Variants in ATG9A observed in about 807,000 individuals in gnomAD.
ATG9A encodes the protein autophagy related 9A.
ATG9A carries 21 observed loss-of-function variants against 87.1 expected under a neutral mutation model. The observed-to-expected ratio is 0.24, with a 90% CI of 0.17 to 0.35. The LOEUF (loss-of-function observed/expected upper bound fraction) is 0.35, where lower values mean the gene tolerates loss of function less well. Ranked by LOEUF, ATG9A falls within the 10% of genes least tolerant of loss-of-function variation. ATG9A has a pLI of 1.00. For synonymous variants in ATG9A, 422 were observed against 441.3 expected, an observed-to-expected ratio of 0.96 and a Z score of 0.55; for missense variants, 836 against 1,107.3, an observed-to-expected ratio of 0.76 and a Z score of 3.48.
chr2:219,227,591 TTG>T (rs1950888203), intron 4 of ATG9A, among the ~76,000 whole-genome samples, 177 bp downstream of exon 4: 1 of 152,148 alleles, frequency 6.6e-6, no homozygotes, highest in African/African-American at 2.4e-5. Context: ...CACACAGATC[TTG>T]GTAAATGTGG....
intron 4 of ATG9A, among the ~76,000 whole-genome samples, 168 bp downstream of exon 4, chr2:219,227,601 TG>T (rs1286914146): frequency 6.6e-6 from 1 of 152,198 alleles, no homozygotes; most frequent in Non-Finnish European, 1.5e-5. Flanking sequence ...TTGGTAAATG[TG>T]GGCTATCATT....
At chr2:219,220,697 C>G in intron 15 of ATG9A, 50 bp downstream of exon 15, 1 of 1,600,768 alleles carries the variant, frequency 6.2e-7, no homozygotes, top group Non-Finnish European at 8.5e-7. Context: ...GTTACCTCAC[C>G]CTGGAAGTTA....
chr2:219,220,589 G>A (rs1005101708), intron 15 of ATG9A, 137 bp from the exon 16 acceptor site: 5 of 1,499,256 alleles, frequency 3.3e-6, no homozygotes, highest in Non-Finnish European at 4.6e-6. Flanking sequence ...ACCAAGCCCT[G>A]CAGAGCAGTT....
chr2:219,226,836 TTCACCACA>T, intron 5 of ATG9A, 25 bp downstream of exon 5: 1 of 1,581,006 alleles, frequency 6.3e-7, no homozygotes, highest in Non-Finnish European at 8.7e-7. Flanking sequence ...GATGTATTCT[TTCACCACA>T]TCATCTGTCC....
At position 219,223,469 on chromosome 2, in the gene ATG9A, CCT is replaced by C. The variant is rs1335564457; in HGVS notation, c.1599+114_1599+115del. The C allele has an allele frequency of 1.6e-6, 2 of 1,232,934 alleles. No individual in the cohort carries two copies. The highest frequency in any genetic ancestry group is 2.2e-6 in the Non-Finnish European group (2 of 909,418). 76.4% of individuals were successfully genotyped at this position (1,232,934 alleles called of 1,614,324 possible). On this transcript the variant is annotated intron_variant, in intron 10 of 15. Transcript: ENST00000361242. The surrounding 1 kb of genome is among the most constrained non-coding windows in gnomAD (Gnocchi z 4.7). The stretch of plus-strand genomic sequence containing the variant: ...AGCCCAGGCTCCCAAGCAGTGTGCC[CCT>C]GGTATAGGACTGCCTTTGTGTGACT...
intron 15 of ATG9A, 118 bp downstream of exon 15, chr2:219,220,629 G>A: frequency 6.7e-7 from 1 of 1,496,472 alleles, no homozygotes; most frequent in Non-Finnish European, 9.1e-7. Flanking sequence ...TGTTTTGGAA[G>A]GGAGGGTACA....
Position 219,221,069 on chromosome 2 carries a change from C to T in ATG9A, c.2368+11G>A. 2 of 1,612,162 alleles carry T rather than the reference C, an allele frequency of 1.2e-6. No individual in the cohort carries two copies. Among genetic ancestry groups the T allele is most frequent in the Non-Finnish European group, 1.7e-6 (2 of 1,179,088 alleles). ...GCAGCCTCTGTTTCCTCCTATACCC[C>T]CACTGGATACCTGTGATGCCACCGT... On this transcript the variant is annotated intron_variant, in intron 14 of 15. Transcript: ENST00000361242.
chr2:219,224,205 G>A lies in ATG9A; in HGVS notation c.1166C>T (p.Ala389Val). The change falls in exon 8 of 16, where the codon GCT (alanine) becomes GTT (valine). Residue 389 changes from alanine (A) to valine (V), a missense_variant. Around this residue, in one of 2 missense-constraint regions of ATG9A, gnomAD observed 512 missense variants for 759.6 expected, o/e 0.67. Coordinates refer to ENST00000361242, the MANE Select transcript of ATG9A (RefSeq NM_001077198.3). The surrounding 1 kb of genome is among the most constrained non-coding windows in gnomAD (Gnocchi z 7.7). ...ATAAATGGTGAGGGCAATAAGCACA[G>A]CCAGGATGGAGCCAGCGAAGAAGGC... ...NGAFFAGSIL[A>V]VLIALTIYDE... The A allele has an allele frequency of 1.2e-6, 2 of 1,613,854 alleles. No homozygotes were observed. The highest frequency in any genetic ancestry group is 1.7e-6 in the Non-Finnish European group (2 of 1,180,046).
rs1950794261 is a variant in ATG9A at position 219,223,085 on chromosome 2, GC to G, written c.1600-193del. Among the ~76,000 whole-genome samples, 1 of 146,650 alleles carries G rather than the reference GC, an allele frequency of 6.8e-6. No individual in the cohort carries two copies. The highest frequency in any genetic ancestry group is 6.8e-5 in the Admixed American group (1 of 14,772). ...ATGCTGAGCCAGTTACTTGTGTTGT[GC>G]CTTTTTTTTTTTTTTTTTTGAGATG... is the stretch of plus-strand genomic sequence containing the variant. On this transcript the variant is annotated intron_variant, in intron 10 of 15. Transcript: ENST00000361242. This position sits in a 1 kb window ranked among gnomAD's most constrained non-coding sequence, Gnocchi z 4.7.
chr2:219,223,574 T>C lies in ATG9A; in HGVS notation c.1599+11A>G. ...CATCCCAGGCCACCTGGCTCCCTCC[T>C]CTCCCAGTACCTGGGGATGACCATG... On this transcript the variant is annotated intron_variant, in intron 10 of 15. Coordinates refer to ENST00000361242, the MANE Select transcript of ATG9A (RefSeq NM_001077198.3). The surrounding 1 kb of genome is among the most constrained non-coding windows in gnomAD (Gnocchi z 4.7). 1 of 1,584,344 alleles carries C rather than the reference T, an allele frequency of 6.3e-7. No individual in the cohort carries two copies. The highest frequency in any genetic ancestry group is 2.2e-5 in the East Asian group (1 of 44,580).
chr2:219,228,274 C>A, intron 2 of ATG9A, 160 bp downstream of exon 2: 1 of 457,204 alleles, frequency 2.2e-6, no homozygotes, highest in African/African-American at 2.0e-5. Flanking sequence ...TTTCCTGGCC[C>A]AAAGCCAGAA....
Position 219,220,249 on chromosome 2 carries a change from G to A in ATG9A, c.*198C>T, listed in dbSNP as rs1220630820. 3 of 642,980 alleles carry A rather than the reference G, an allele frequency of 4.7e-6. No homozygotes were observed. The highest frequency in any genetic ancestry group is 1.8e-5 in the African/African-American group (1 of 54,812). The allele number at this position is 642,980 out of a possible 1,614,324, so 39.8% of individuals were successfully genotyped here. A position where few individuals can be genotyped will look rare whatever the true frequency, so the allele number is the denominator to read the frequency against. On this transcript the variant is annotated 3_prime_UTR_variant, in exon 16 of 16. Coordinates refer to ENST00000361242, the MANE Select transcript of ATG9A (RefSeq NM_001077198.3). ...TGAGGCTAGAGTCCCGTGTGCCCTC[G>A]GTTCCTAGGCCCCAAATTCCTCTCC...
intron 5 of ATG9A, 133 bp from the exon 6 acceptor site, chr2:219,225,705 C>A: frequency 1.1e-6 from 1 of 913,630 alleles, no homozygotes; most frequent in East Asian, 2.6e-5. Flanking sequence ...CCCAGTGGGC[C>A]CTCTCTGCTC....
In ATG9A at chr2:219,223,562, C is replaced by T; in HGVS notation, c.1599+23G>A. On this transcript the variant is annotated intron_variant, in intron 10 of 15. Coordinates refer to ENST00000361242, the MANE Select transcript of ATG9A (RefSeq NM_001077198.3). The surrounding 1 kb of genome is among the most constrained non-coding windows in gnomAD (Gnocchi z 4.7). ...ATGTTCCAGCATCATCCCAGGCCACCTGGCTCCCTCCTCTCCCAGTACCTG... is the reference window on the plus strand; with the variant it reads ...ATGTTCCAGCATCATCCCAGGCCACTTGGCTCCCTCCTCTCCCAGTACCTG... The T allele has an allele frequency of 6.4e-7, 1 of 1,574,292 alleles. No homozygotes were observed. The highest frequency in any genetic ancestry group is 8.6e-7 in the Non-Finnish European group (1 of 1,160,330).
rs979874783 is a variant in ATG9A, at chr2:219,220,425, C to G, written c.*22G>C. ...CAGCGGTGGCCTCCATCCTGGGCCA[C>G]AGGAACCCTGCTCAGCCTTGTCTAT... On this transcript the variant is annotated 3_prime_UTR_variant, in exon 16 of 16. Transcript: ENST00000361242. 6.2e-6 allele frequency: 10 copies of G among 1,613,376 alleles called. No homozygotes were observed. The highest frequency in any genetic ancestry group is 8.5e-6 in the Non-Finnish European group (10 of 1,179,580).
intron 4 of ATG9A, 120 bp downstream of exon 4, chr2:219,227,650 G>T: frequency 8.4e-7 from 1 of 1,187,086 alleles, no homozygotes; most frequent in Non-Finnish European, 1.2e-6. Flanking sequence ...TCAGCCTCAG[G>T]ATGAGCTCCA....
rs1434276690 is a variant in ATG9A, at chr2:219,223,378, G to A, written c.1599+207C>T. ...GCTGGGATTACAGACGTGAGCCACC[G>A]CGCCTGGCCGTGTTGTGCCTTTCTT... On this transcript the variant is annotated intron_variant, in intron 10 of 15. Coordinates refer to ENST00000361242, the MANE Select transcript of ATG9A (RefSeq NM_001077198.3). This position sits in a 1 kb window ranked among gnomAD's most constrained non-coding sequence, Gnocchi z 4.7. 1.3e-5 allele frequency among the ~76,000 whole-genome samples: 2 copies of A among 152,088 alleles called. No homozygotes were observed. The highest frequency in any genetic ancestry group is 2.1e-4 in the South Asian group (1 of 4,828).
In ATG9A at chr2:219,219,747, G is replaced by A. The variant is rs3731885; in HGVS notation, c.*700C>T. 2,159 of 152,452 alleles carry A rather than the reference G, an allele frequency of 0.014. 42 individuals are homozygous for A. Among genetic ancestry groups the A allele is most frequent in the East Asian group, 0.11 (584 of 5,190 alleles). 9.4% of individuals were successfully genotyped at this position (152,452 alleles called of 1,614,324 possible). ...CTCCTGGGGGCCCATCCTAAAAGAT[G>A]GCAAGGGCAGCAAAGTATTTCCATC... On this transcript the variant is annotated 3_prime_UTR_variant, in exon 16 of 16. Coordinates refer to ENST00000361242, the MANE Select transcript of ATG9A (RefSeq NM_001077198.3).
intron 13 of ATG9A, among the ~76,000 whole-genome samples, 173 bp from the exon 14 acceptor site, chr2:219,221,475 T>G (rs1950757928): frequency 6.6e-6 from 1 of 152,176 alleles, no homozygotes; most frequent in Admixed American, 6.5e-5. Flanking sequence ...ACAGGTTACA[T>G]TCACAGCAGA....
Sources: gnomAD v4.1 joint callset for allele counts (sites outside exome capture counted in the v4.1 genomes callset) on GRCh38, gnomAD v4.1.1 for gene constraint, gnomAD v4.1.1 regional missense constraint, Gnocchi (gnomAD v3.1) non-coding constraint, MANE v1.5 for transcripts, NCBI Gene and HGNC (gene_info 2026-07-23, HGNC 2026-07-21) for gene names.